SNTG1: variants seen among roughly 807,000 people sequenced by gnomAD.
SNTG1 encodes the protein syntrophin gamma 1, also known as gamma-1-syntrophin.
In SNTG1, 39 loss-of-function variants were observed where a neutral mutation model predicts 74.7. That is an observed-to-expected ratio of 0.52 (90% CI 0.40 to 0.68). SNTG1 has a LOEUF of 0.68. SNTG1 is among the 30% of genes least tolerant of loss of function. The probability of loss-of-function intolerance (pLI) is 0.00; values close to 1 mark genes in which losing one functional copy is unlikely to be tolerated. For synonymous variants in SNTG1, 254 were observed against 217.1 expected (o/e 1.17, Z -1.49); for missense variants, 685 against 609.5 (o/e 1.12, Z -1.30).
chr8:50,507,913 C>A (rs1354899247), intron 9 of SNTG1, among the ~76,000 whole-genome samples: 1 of 136,156 alleles, frequency 7.3e-6, no homozygotes, highest in Non-Finnish European at 1.6e-5. Context: ...CAATTCCCAC[C>A]TTCATTTCTT....
chr8:50,339,615 A>G (rs1292848728), intron 2 of SNTG1, among the ~76,000 whole-genome samples: 1 of 151,936 alleles, frequency 6.6e-6, no homozygotes, highest in African/African-American at 2.4e-5. Context: ...ATATTAGGGA[A>G]ATCACTAAAG....
intron 1 of SNTG1, among the ~76,000 whole-genome samples, chr8:50,167,199 C>G (rs2082647977): frequency 6.9e-6 from 1 of 145,448 alleles, no homozygotes; most frequent in Non-Finnish European, 1.5e-5. Context: ...GTGCAGCACA[C>G]CAGCATGGCA....
At chr8:49,940,738 T>C (rs987259757) in intron 1 of SNTG1, among the ~76,000 whole-genome samples, 2 of 152,178 alleles carry the variant, frequency 1.3e-5, no homozygotes, top group Admixed American at 1.3e-4. Context: ...TGTAGTCAGA[T>C]GGTAGAGAGA....
chr8:50,660,630 A>G lies in SNTG1; in HGVS notation c.1038+1967A>G, dbSNP rs909656779. On this transcript the variant is annotated intron_variant, in intron 15 of 18. Transcript: ENST00000642720. ...CATAGTAATAACGCAACACATATTT[A>G]TATATTCTTACTTAGACTTAAATTA... 4.6e-5 allele frequency among the ~76,000 whole-genome samples: 7 copies of G among 152,142 alleles called. No homozygotes were observed. The East Asian group carries it at 7.7e-4, about 17-fold the overall frequency.
At chr8:50,492,742 A>C (rs2093868927) in intron 8 of SNTG1, among the ~76,000 whole-genome samples, 2 of 152,178 alleles carry the variant, frequency 1.3e-5, no homozygotes, top group East Asian at 1.9e-4. Flanking sequence ...GTTTAATGAG[A>C]CGTATTTGTC....
Position 50,795,275 on chromosome 8 carries a change from A to G in SNTG1, c.*2446A>G, listed in dbSNP as rs1301024921. Reference sequence around the variant, plus strand: ...ATGATTAGTACAACAGCCAAAAAGTAACAAAATACTATTCTCGTTTTCATC... The same window carrying G: ...ATGATTAGTACAACAGCCAAAAAGTGACAAAATACTATTCTCGTTTTCATC... On this transcript the variant is annotated 3_prime_UTR_variant, in exon 19 of 19. Transcript: ENST00000642720. 3 of 152,080 alleles carry G rather than the reference A, an allele frequency of 2.0e-5. No homozygotes were observed. The highest frequency in any genetic ancestry group is 4.4e-5 in the Non-Finnish European group (3 of 67,970). The allele number at this position is 152,080 out of a possible 1,614,324, so 9.4% of individuals were successfully genotyped here. A position where few individuals can be genotyped will look rare whatever the true frequency, so the allele number is the denominator to read the frequency against.
chr8:50,367,687 A>G (rs1201256529), intron 2 of SNTG1, among the ~76,000 whole-genome samples: 1 of 152,170 alleles, frequency 6.6e-6, no homozygotes, highest in African/African-American at 2.4e-5. Flanking sequence ...AGGATATAAT[A>G]TCTAGTAATT....
intron 2 of SNTG1, among the ~76,000 whole-genome samples, chr8:50,390,177 G>A (rs1166313232): frequency 6.6e-6 from 1 of 151,874 alleles, no homozygotes; most frequent in Non-Finnish European, 1.5e-5. Flanking sequence ...GTCCTGAATG[G>A]TATTGCCTAG....
Position 49,930,502 on chromosome 8 carries a change from T to C in SNTG1, c.-103+18271T>C, listed in dbSNP as rs867526944. Among the ~76,000 whole-genome samples, 11 of 131,528 alleles carry C rather than the reference T, an allele frequency of 8.4e-5. No homozygotes were observed. In the East Asian group the frequency reaches 1.4e-3, roughly 17 times the overall value. 86.3% of individuals were successfully genotyped at this position (131,528 alleles called of 152,430 possible). On this transcript the variant is annotated intron_variant, in intron 1 of 18. Transcript: ENST00000642720. ...AATCTGATGAAGGAGATATATAATATATATGTGTGTATATATATATGTGTG... is the reference window on the plus strand; with the variant it reads ...AATCTGATGAAGGAGATATATAATACATATGTGTGTATATATATATGTGTG...
intron 1 of SNTG1, among the ~76,000 whole-genome samples, chr8:50,126,149 G>A (rs924703565): frequency 2.6e-5 from 4 of 152,014 alleles, no homozygotes; most frequent in Non-Finnish European, 5.9e-5. Context: ...TAGAGGCCAG[G>A]GAAATTCAGG....
At chr8:50,527,021 T>C (rs1401481743) in intron 9 of SNTG1, among the ~76,000 whole-genome samples, 1 of 152,158 alleles carries the variant, frequency 6.6e-6, no homozygotes, top group East Asian at 1.9e-4. Context: ...TGCTCAAATA[T>C]TTCTTCCAGC....
intron 4 of SNTG1, among the ~76,000 whole-genome samples, chr8:50,405,506 T>C (rs1413861798): frequency 6.6e-6 from 1 of 152,096 alleles, no homozygotes; most frequent in African/African-American, 2.4e-5. Context: ...TGTTTGTTTT[T>C]TGGAGCTTAG....
chr8:50,227,914 C>A (rs1436081315), intron 2 of SNTG1, among the ~76,000 whole-genome samples: 4 of 65,872 alleles, frequency 6.1e-5, no homozygotes, highest in Admixed American at 2.3e-4. Context: ...ATGACATAAA[C>A]AACAACCAAA....
At chr8:50,222,060 G>C (rs761311548) in intron 2 of SNTG1, among the ~76,000 whole-genome samples, 23 of 152,156 alleles carry the variant, frequency 1.5e-4, no homozygotes, top group Non-Finnish European at 2.5e-4. Flanking sequence ...GCCACTTCTG[G>C]GTGAGGGTCA....
rs537767414 is a variant in SNTG1 at position 50,274,714 on chromosome 8, T to C, written c.-28+102079T>C. On this transcript the variant is annotated intron_variant, in intron 2 of 18. Transcript: ENST00000642720. ...CTTTTGGAGATGCTCTTTATTAAAT[T>C]GAAGAAATCTCTCTATATTCCTAAT... Among the ~76,000 whole-genome samples the C allele has an allele frequency of 2.6e-5, 4 of 152,254 alleles. No homozygotes were observed. The East Asian group carries it at 7.8e-4, about 30-fold the overall frequency.
chr8:50,280,985 CAAAAA>C (rs35973666), intron 2 of SNTG1, among the ~76,000 whole-genome samples: 22 of 75,466 alleles, frequency 2.9e-4, no homozygotes, highest in African/African-American at 1.0e-3. Context: ...AACCCAGTCT[CAAAAA>C]AAAAAAAAAA....
intron 1 of SNTG1, among the ~76,000 whole-genome samples, chr8:50,158,566 G>C (rs2082320710): frequency 1.3e-5 from 2 of 152,112 alleles, no homozygotes; most frequent in South Asian, 4.1e-4. Flanking sequence ...GTCAAAGTTT[G>C]TTAATTTTCA....
chr8:50,066,761 T>A (rs1173137567), intron 1 of SNTG1, among the ~76,000 whole-genome samples: 5 of 152,240 alleles, frequency 3.3e-5, no homozygotes, highest in African/African-American at 1.2e-4. Context: ...AATTGCATGA[T>A]CTTCATTTAT....
intron 18 of SNTG1, among the ~76,000 whole-genome samples, chr8:50,765,635 T>C (rs1200801858): frequency 6.6e-6 from 1 of 152,014 alleles, no homozygotes; most frequent in African/African-American, 2.4e-5. Context: ...AAACTGTTAA[T>C]GCCATTTTTT....
Sources: allele counts gnomAD v4.1 joint callset (sites outside exome capture counted in the v4.1 genomes callset), GRCh38; gene constraint gnomAD v4.1.1; transcripts MANE v1.5; gene names NCBI Gene and HGNC (gene_info 2026-07-23, HGNC 2026-07-21).